SMARCC2: variants seen among roughly 807,000 people sequenced by gnomAD.
The protein encoded by SMARCC2 is SWI/SNF complex subunit SMARCC2.
A neutral mutation model predicts 151.3 loss-of-function variants in SMARCC2; 15 were observed. The observed-to-expected ratio is 0.10, with a 90% CI of 0.07 to 0.15. SMARCC2 has a LOEUF of 0.15. SMARCC2 is among the 10% of genes least tolerant of loss of function. The pLI, the probability that SMARCC2 is intolerant of heterozygous loss-of-function variation, is 1.00. For synonymous variants in SMARCC2, 590 were observed against 609.5 expected (o/e 0.97, Z 0.47); for missense variants, 1,031 against 1,599.7 (o/e 0.64, Z 6.06).
In SMARCC2 at chr12:56,172,119, G is replaced by T. The variant is rs1421526917; in HGVS notation, c.1927-182C>A. ...AGAAAGGATATGAAGTTAATGAAAT[G>T]GCCCAAATCCCCAGCCTGGAGCTGG... On this transcript the variant is annotated intron_variant, in intron 20 of 28. Transcript: ENST00000550164. 8.4e-6 allele frequency: 5 copies of T among 592,842 alleles called. No homozygotes were observed. The South Asian group carries it at 1.2e-4, about 14-fold the overall frequency. 36.7% of individuals were successfully genotyped at this position (592,842 alleles called of 1,614,324 possible).
chr12:56,178,240 A>G (rs1323274153), intron 14 of SMARCC2, 147 bp from the exon 15 acceptor site: 2 of 935,348 alleles, frequency 2.1e-6, no homozygotes, highest in African/African-American at 1.6e-5. Flanking sequence ...CACAGGCTGT[A>G]AGACTCAAAA....
chr12:56,172,493 G>A lies in SMARCC2; in HGVS notation c.1864-3C>T, dbSNP rs762271179. The A allele has an allele frequency of 2.1e-5, 33 of 1,604,922 alleles. No individual in the cohort carries two copies. The East Asian group carries it at 7.4e-4, about 36-fold the overall frequency. ...GTGGCACTGGCTGCAGCCTTGCTCT[G>A]CAGGGGAAACACAGGCAGGTGAGAA... On this transcript the variant is annotated splice_region_variant and splice_polypyrimidine_tract_variant and intron_variant, in intron 19 of 28. Coordinates refer to ENST00000550164, the MANE Select transcript of SMARCC2 (RefSeq NM_001330288.2).
chr12:56,185,378 TCAC>T (rs1877041101), intron 3 of SMARCC2: 1 of 392,872 alleles, frequency 2.5e-6, no homozygotes, highest in African/African-American at 2.1e-5. Flanking sequence ...AGACGAGGTT[TCAC>T]CATATTGGTC....
rs771350354 is a variant in SMARCC2, at chr12:56,184,165, C to G, written c.562+10G>C. Reference sequence around the variant, plus strand: ...ATCCACTCAAGTGGACAGGAAAACCCAGGTCTCACCTTCTTCTAGATTCCC... The same window carrying G: ...ATCCACTCAAGTGGACAGGAAAACCGAGGTCTCACCTTCTTCTAGATTCCC... On this transcript the variant is annotated intron_variant, in intron 6 of 28. Coordinates refer to ENST00000550164, the MANE Select transcript of SMARCC2 (RefSeq NM_001330288.2). 6.2e-7 allele frequency: 1 copy of G among 1,609,256 alleles called. No individual in the cohort carries two copies. Among genetic ancestry groups the G allele is most frequent in the South Asian group, 1.1e-5 (1 of 90,832 alleles).
Position 56,169,284 on chromosome 12 carries a change from T to C in SMARCC2, c.2715+245A>G, listed in dbSNP as rs111703570. The stretch of plus-strand genomic sequence containing the variant: ...AAGACTCCGTCTCAAAAGAAGAACA[T>C]GGAGATAGTGTGGCAAAGGGTAACA... On this transcript the variant is annotated intron_variant, in intron 25 of 28. Coordinates refer to ENST00000550164, the MANE Select transcript of SMARCC2 (RefSeq NM_001330288.2). Among the ~76,000 whole-genome samples the C allele has an allele frequency of 1.8e-4, 28 of 152,020 alleles. 1 individual carries two copies. The East Asian group carries it at 2.5e-3, about 14-fold the overall frequency.
rs1872496695 is a variant in SMARCC2, at chr12:56,164,864, C to CT, written c.3233-134dup. The CT allele has an allele frequency of 7.5e-5, 56 of 748,770 alleles. 4 individuals are homozygous for CT. In the South Asian group the frequency reaches 1.1e-3, roughly 14 times the overall value. The allele number at this position is 748,770 out of a possible 1,614,324, so 46.4% of individuals were successfully genotyped here. A position where few individuals can be genotyped will look rare whatever the true frequency, so the allele number is the denominator to read the frequency against. ...AGTGCAGTGGCACGATCTTGGCTCA[C>CT]TGCAACCTCCGCCTCCCGGGTTTAA... On this transcript the variant is annotated intron_variant, in intron 27 of 28. Coordinates refer to ENST00000550164, the MANE Select transcript of SMARCC2 (RefSeq NM_001330288.2).
intron 27 of SMARCC2, 41 bp from the exon 28 acceptor site, chr12:56,164,772 A>G (rs1416744968): frequency 8.7e-6 from 13 of 1,494,202 alleles, no homozygotes; most frequent in Non-Finnish European, 1.2e-5. Context: ...TAGGTATAAA[A>G]TTTTGCTTAA....
In SMARCC2 at chr12:56,186,208, G is replaced by C; in HGVS notation, c.264C>G (p.Gly88=). ...IKCFLDFKAG[G]SLCHILAAAY... ...CAGCTGCAAGAATGTGGCACAAGGA[G>C]CCTCCCGCTTTGAAATCTAGGAAAC... Residue 88 remains glycine, a synonymous_variant, in exon 3 of 29, where the codon GGC becomes GGG. Coordinates refer to ENST00000550164, the MANE Select transcript of SMARCC2 (RefSeq NM_001330288.2). 1 of 1,612,896 alleles carries C rather than the reference G, an allele frequency of 6.2e-7. No individual in the cohort carries two copies. The highest frequency in any genetic ancestry group is 1.3e-5 in the African/African-American group (1 of 75,016).
Position 56,171,347 on chromosome 12 carries a change from T to C in SMARCC2, c.2271A>G (p.Thr757=). 1.2e-6 allele frequency: 2 copies of C among 1,614,214 alleles called. No individual in the cohort carries two copies. Among genetic ancestry groups the C allele is most frequent in the South Asian group, 1.1e-5 (1 of 91,088 alleles). Residue 757 remains threonine, a synonymous_variant, in exon 22 of 29, where the codon ACA becomes ACG. Coordinates refer to ENST00000550164, the MANE Select transcript of SMARCC2 (RefSeq NM_001330288.2). This position sits in a 1 kb window ranked among gnomAD's most constrained non-coding sequence, Gnocchi z 4.2. ...VRKVEEAAKV[T]GKADPAFGLE... is the part of the protein sequence containing the mutation. The stretch of plus-strand genomic sequence containing the variant: ...GACCGAAGGCAGGGTCCGCCTTGCC[T>C]GTTACTTTGGCTGCTTCTTCCACTT...
Position 56,178,523 on chromosome 12 carries a change from C to T in SMARCC2, c.1191G>A (p.Glu397=), listed in dbSNP as rs570924268. The change falls in exon 14 of 29, where the codon GAG becomes GAA. Residue 397 remains glutamate (E), a synonymous_variant. Transcript: ENST00000550164. ...GCTCTCCCTTGTTCCCCGTACTGTT[C>T]TCATCCTCATCCTACGAGTATGGAG... ...SMETTGKDED[E]NSTGNKGEQT... 6.2e-7 allele frequency: 1 copy of T among 1,614,224 alleles called. No individual in the cohort carries two copies. Among genetic ancestry groups the T allele is most frequent in the African/African-American group, 1.3e-5 (1 of 75,060 alleles).
rs750679301 is a variant in SMARCC2 at position 56,187,202 on chromosome 12, C to T, written c.216G>A (p.Pro72=). 55 of 1,613,428 alleles carry T rather than the reference C, an allele frequency of 3.4e-5. 1 individual carries two copies. The East Asian group carries it at 6.9e-4, about 20-fold the overall frequency. ...CTGCACTCACCGGCAGTTTAGTGAG[C>T]GGTGCATTGCTGACATGTTTGCCAA... ...EVFGKHVSNA[P]LTKLPIKCFL... Residue 72 remains proline, a synonymous_variant, in exon 2 of 29, where the codon CCG becomes CCA. Coordinates refer to ENST00000550164, the MANE Select transcript of SMARCC2 (RefSeq NM_001330288.2).
intron 26 of SMARCC2, 129 bp from the exon 27 acceptor site, chr12:56,165,828 T>C: frequency 1.1e-6 from 1 of 886,386 alleles, no homozygotes; most frequent in East Asian, 2.5e-5. Flanking sequence ...ATCTACATCT[T>C]GTGCTTGTGC....
chr12:56,185,843 G>A (rs950008420), intron 3 of SMARCC2: 2 of 337,702 alleles, frequency 5.9e-6, no homozygotes, highest in Non-Finnish European at 5.4e-6. Flanking sequence ...CATCACCTGG[G>A]ATCTGAGGTT....
chr12:56,164,194 A>T, intron 28 of SMARCC2, 109 bp downstream of exon 28: 2 of 993,430 alleles, frequency 2.0e-6, no homozygotes, highest in Non-Finnish European at 2.9e-6. Flanking sequence ...GAGTGTTCAA[A>T]AAGGATTGTG....
At chr12:56,176,270 A>G (rs1874947722) in intron 15 of SMARCC2, among the ~76,000 whole-genome samples, 1 of 152,196 alleles carries the variant, frequency 6.6e-6, no homozygotes, top group Non-Finnish European at 1.5e-5. Context: ...TGCTTTCTCC[A>G]GGAAGAGAAG....
At chr12:56,170,681 C>T (rs1282080374) in intron 22 of SMARCC2, among the ~76,000 whole-genome samples, 2 of 149,466 alleles carry the variant, frequency 1.3e-5, no homozygotes, top group African/African-American at 4.9e-5. Context: ...TCCCAAAGTA[C>T]TGGGATTACA....
At chr12:56,168,306 CAACCCATGGTGA>C in intron 25 of SMARCC2, 112 bp from the exon 26 acceptor site, 4 of 1,235,462 alleles carry the variant, frequency 3.2e-6, no homozygotes, top group Non-Finnish European at 4.6e-6. Flanking sequence ...GCTGTGGTCA[CAACCCATGGTGA>C]AAGGGCTTGA....
At chr12:56,180,333 T>C (rs1875928227) in intron 11 of SMARCC2, among the ~76,000 whole-genome samples, 1 of 151,204 alleles carries the variant, frequency 6.6e-6, no homozygotes, top group African/African-American at 2.4e-5. Flanking sequence ...ATGGTCTCGA[T>C]CTCCTGACCT....
rs1877933570 is a variant in SMARCC2 at position 56,189,335 on chromosome 12, G to C, written c.111+16C>G. The C allele has an allele frequency of 1.4e-6, 2 of 1,468,210 alleles. No individual in the cohort carries two copies. The highest frequency in any genetic ancestry group is 1.8e-6 in the Non-Finnish European group (2 of 1,089,114). 90.9% of individuals were successfully genotyped at this position (1,468,210 alleles called of 1,614,324 possible). ...CCCGCCCCCGGTCCCCGCGCGGCCC[G>C]GCCCGGCCCGCGTACCTTCTTGTAG... On this transcript the variant is annotated intron_variant, in intron 1 of 28. Coordinates refer to ENST00000550164, the MANE Select transcript of SMARCC2 (RefSeq NM_001330288.2).
Sources: allele counts gnomAD v4.1 joint callset (sites outside exome capture counted in the v4.1 genomes callset), GRCh38; gene constraint gnomAD v4.1.1; non-coding constraint Gnocchi (gnomAD v3.1); transcripts MANE v1.5; gene names NCBI Gene and HGNC (gene_info 2026-07-23, HGNC 2026-07-21).